Variants in PDPK1 observed in about 807,000 individuals in gnomAD.
PDPK1 encodes 3-phosphoinositide-dependent protein kinase 1.
A neutral mutation model predicts 39.8 loss-of-function variants in PDPK1; 7 were observed. The observed-to-expected ratio is 0.18, with a 90% CI of 0.10 to 0.33. The LOEUF is 0.33. Ranked by LOEUF, PDPK1 falls within the 10% of genes least tolerant of loss-of-function variation. The probability of loss-of-function intolerance (pLI) is 1.00; values close to 1 mark genes in which losing one functional copy is unlikely to be tolerated. For missense variants in PDPK1, 182 were observed against 384.7 expected, an observed-to-expected ratio of 0.47 and a Z score of 4.41; for synonymous variants, 118 against 159.1, an observed-to-expected ratio of 0.74 and a Z score of 1.95.
At chr16:2,596,040 C>T (rs973631660) in intron 12 of PDPK1, among the ~76,000 whole-genome samples, 190 bp downstream of exon 12, 12 of 152,314 alleles carry the variant, frequency 7.9e-5, no homozygotes, top group African/African-American at 1.9e-4. Context: ...CACGCGTAGG[C>T]GGTTAGGGCA....
chr16:2,541,496 A>G (rs1002883433), intron 1 of PDPK1, among the ~76,000 whole-genome samples: 2 of 152,178 alleles, frequency 1.3e-5, no homozygotes, highest in African/African-American at 2.4e-5. Flanking sequence ...GGAAATGGAC[A>G]GGATGCCACG....
intron 1 of PDPK1, among the ~76,000 whole-genome samples, chr16:2,541,405 A>AG (rs1390683678): frequency 1.3e-5 from 2 of 152,282 alleles, no homozygotes; most frequent in Non-Finnish European, 1.5e-5. Context: ...TGCAGAAATG[A>AG]GGGGGCAAGC....
intron 11 of PDPK1, chr16:2,592,384 C>T (rs1280222500): frequency 3.7e-6 from 1 of 268,094 alleles, no homozygotes; most frequent in Non-Finnish European, 7.3e-6. Flanking sequence ...GGTGTGTCTC[C>T]AGGTCTTCAG....
In PDPK1 at chr16:2,538,021, A is replaced by G. The variant is rs1310571154; in HGVS notation, c.-92A>G. 13 of 463,750 alleles carry G rather than the reference A, an allele frequency of 2.8e-5. No individual in the cohort carries two copies. In the Admixed American group the frequency reaches 7.8e-4, roughly 28 times the overall value. 28.7% of individuals were successfully genotyped at this position (463,750 alleles called of 1,614,324 possible). ...GGGCGGGCGCAGGATGAGGGCGGCC[A>G]TTGCTGGGGCTCCGCTTCGGGGAGG... On this transcript the variant is annotated 5_prime_UTR_variant, in exon 1 of 14. Transcript: ENST00000342085.
chr16:2,586,953 G>T, intron 11 of PDPK1, 60 bp downstream of exon 11: 1 of 1,444,378 alleles, frequency 6.9e-7, no homozygotes, highest in Non-Finnish European at 9.7e-7. Flanking sequence ...ACACGTGGGG[G>T]CTTATGGTGG....
chr16:2,600,123 G>A lies in PDPK1; in HGVS notation c.*2356G>A, dbSNP rs1043279384. On this transcript the variant is annotated 3_prime_UTR_variant, in exon 14 of 14. Coordinates refer to ENST00000342085, the MANE Select transcript of PDPK1 (RefSeq NM_002613.5). ...CCCTGTGCTTGCTCATGTCTACTCC[G>A]GTTTTCTCTACCACATCCTTAGAGC... 2.1e-5 allele frequency: 5 copies of A among 233,016 alleles called. No individual in the cohort carries two copies. Among genetic ancestry groups the A allele is most frequent in the East Asian group, 6.0e-5 (1 of 16,574 alleles). 14.4% of individuals were successfully genotyped at this position (233,016 alleles called of 1,614,324 possible). A position where few individuals can be genotyped will look rare whatever the true frequency, so the allele number is the denominator to read the frequency against.
Position 2,600,970 on chromosome 16 carries a change from C to A in PDPK1, c.*3203C>A. ...GAGTTTCTCAGAAACATGTTTTTAA[C>A]AATTGTACTATTTAGTCATTGTCCA... On this transcript the variant is annotated 3_prime_UTR_variant, in exon 14 of 14. Coordinates refer to ENST00000342085, the MANE Select transcript of PDPK1 (RefSeq NM_002613.5). 4.4e-6 allele frequency: 1 copy of A among 229,836 alleles called. No homozygotes were observed. Among genetic ancestry groups the A allele is most frequent in the Non-Finnish European group, 8.5e-6 (1 of 117,180 alleles). The allele number at this position is 229,836 out of a possible 1,614,324, so 14.2% of individuals were successfully genotyped here. A position where few individuals can be genotyped will look rare whatever the true frequency, so the allele number is the denominator to read the frequency against.
At chr16:2,540,960 G>A (rs1412056080) in intron 1 of PDPK1, among the ~76,000 whole-genome samples, 1 of 152,176 alleles carries the variant, frequency 6.6e-6, no homozygotes, top group African/African-American at 2.4e-5. Context: ...GAGAGAAGTG[G>A]CTTTCGATTT....
intron 1 of PDPK1, chr16:2,538,356 C>G (rs1407675051): frequency 2.6e-6 from 1 of 388,152 alleles, no homozygotes; most frequent in East Asian, 7.6e-5. Flanking sequence ...GCGGCCTGGC[C>G]GGGGGCGCTG....
chr16:2,589,739 A>G (rs1374856202), intron 11 of PDPK1, among the ~76,000 whole-genome samples: 2 of 152,096 alleles, frequency 1.3e-5, no homozygotes, highest in African/African-American at 2.4e-5. Flanking sequence ...TTAAATTTAC[A>G]TGGAATAGTT....
At chr16:2,540,699 G>A (rs2141932639) in intron 1 of PDPK1, among the ~76,000 whole-genome samples, 1 of 152,324 alleles carries the variant, frequency 6.6e-6, no homozygotes, top group South Asian at 2.1e-4. Flanking sequence ...CCCGGGGCCT[G>A]TTTCAGCCTC....
intron 11 of PDPK1, among the ~76,000 whole-genome samples, chr16:2,595,411 C>G (rs961053638): frequency 2.0e-5 from 3 of 152,116 alleles, no homozygotes; most frequent in African/African-American, 4.8e-5. Flanking sequence ...GTTGACTCCG[C>G]GGGCAGCCAC....
rs951164203 is a variant in PDPK1 at position 2,597,839 on chromosome 16, C to T, written c.*72C>T. ...AGCGCGGCTTGGCCGCCATCCGGGA[C>T]GCTTCCAGACCACCTGCCAGCCATC... On this transcript the variant is annotated 3_prime_UTR_variant, in exon 14 of 14. Coordinates refer to ENST00000342085, the MANE Select transcript of PDPK1 (RefSeq NM_002613.5). This position sits in a 1 kb window ranked among gnomAD's most constrained non-coding sequence, Gnocchi z 6.3. 2.0e-5 allele frequency: 19 copies of T among 938,768 alleles called. No homozygotes were observed. The highest frequency in any genetic ancestry group is 3.2e-5 in the African/African-American group (2 of 61,616). 58.2% of individuals were successfully genotyped at this position (938,768 alleles called of 1,614,324 possible).
intron 11 of PDPK1, among the ~76,000 whole-genome samples, chr16:2,587,491 A>T (rs2066901418): frequency 6.6e-6 from 1 of 151,734 alleles, no homozygotes; most frequent in African/African-American, 2.4e-5. Flanking sequence ...GTGTCCTTTG[A>T]CTATTCTTTC....
chr16:2,544,129 T>C (rs1489476172), intron 1 of PDPK1, among the ~76,000 whole-genome samples: 1 of 152,188 alleles, frequency 6.6e-6, no homozygotes, highest in Admixed American at 6.5e-5. Flanking sequence ...ATATTTTCTA[T>C]CCACTGTTGG....
At chr16:2,546,411 G>A (rs1728250459) in intron 1 of PDPK1, among the ~76,000 whole-genome samples, 2 of 152,004 alleles carry the variant, frequency 1.3e-5, no homozygotes, top group African/African-American at 4.8e-5. Context: ...TCGGCTCACT[G>A]CAATCTCCAC....
rs1252327595 is a variant in PDPK1 at position 2,599,155 on chromosome 16, G to A, written c.*1388G>A. ...ACTCCCCAGGTAGAGAGTGCTCCTG[G>A]TGGCCTGGCAGGTCTGGGCCCTTCT... On this transcript the variant is annotated 3_prime_UTR_variant, in exon 14 of 14. Transcript: ENST00000342085. 8.6e-6 allele frequency: 2 copies of A among 233,480 alleles called. No homozygotes were observed. The highest frequency in any genetic ancestry group is 1.2e-4 in the East Asian group (2 of 16,586). The allele number at this position is 233,480 out of a possible 1,614,324, so 14.5% of individuals were successfully genotyped here.
At chr16:2,541,788 C>G (rs1207569485) in intron 1 of PDPK1, among the ~76,000 whole-genome samples, 2 of 152,200 alleles carry the variant, frequency 1.3e-5, no homozygotes, top group Non-Finnish European at 2.9e-5. Flanking sequence ...GCATTATTCA[C>G]TTGCTCAGTG....
In PDPK1 at chr16:2,593,232, C is replaced by A; in HGVS notation, c.1344-2561C>A. 1 of 370,548 alleles carries A rather than the reference C, an allele frequency of 2.7e-6. No individual in the cohort carries two copies. The highest frequency in any genetic ancestry group is 5.3e-6 in the Non-Finnish European group (1 of 189,498). The allele number at this position is 370,548 out of a possible 1,614,324, so 23.0% of individuals were successfully genotyped here. On this transcript the variant is annotated intron_variant, in intron 11 of 13. Coordinates refer to ENST00000342085, the MANE Select transcript of PDPK1 (RefSeq NM_002613.5). This position sits in a 1 kb window ranked among gnomAD's most constrained non-coding sequence, Gnocchi z 4.2. ...GGGCCATTGAGAGTTTCTTGTGTCA[C>A]TGAATTCCTCTTCTGGGAATTTTTA... is the stretch of plus-strand genomic sequence containing the variant.
Sources: allele counts gnomAD v4.1 joint callset (sites outside exome capture counted in the v4.1 genomes callset), GRCh38; gene constraint gnomAD v4.1.1; non-coding constraint Gnocchi (gnomAD v3.1); transcripts MANE v1.5; gene names NCBI Gene and HGNC (gene_info 2026-07-23, HGNC 2026-07-21).